Variants in BCAR1 observed in about 807,000 individuals in gnomAD.
BCAR1 encodes BCAR1 scaffold protein, Cas family member.
Under a neutral mutation model 67.6 loss-of-function variants are expected in BCAR1, and 30 were observed. The ratio of observed to expected loss-of-function variants is 0.44; its 90% CI spans 0.33 to 0.60. The LOEUF (loss-of-function observed/expected upper bound fraction) is 0.60. Ranked by LOEUF, BCAR1 falls within the 20% of genes least tolerant of loss-of-function variation. BCAR1 has a pLI of 0.02. For missense variants in BCAR1, 1,313 were observed against 1,222.3 expected (o/e 1.07, Z -1.11); for synonymous variants, 626 against 556.7 (o/e 1.12, Z -1.75).
At chr16:75,259,595 G>C (rs1216874531) in intron 1 of BCAR1, among the ~76,000 whole-genome samples, 1 of 152,218 alleles carries the variant, frequency 6.6e-6, no homozygotes, top group South Asian at 2.1e-4. Context: ...GCTCACACCT[G>C]TAATCCTAGC....
At position 75,242,855 on chromosome 16, in the gene BCAR1, G is replaced by C; in HGVS notation, c.248C>G (p.Ala83Gly). ...GPGPGPPATP[A>G]QPQPGLHAPA... ...GGCATGGAGGCCAGGCTGAGGCTGGGCCGGGGTGGCGGGAGGGCCGGGGCC... is the reference window on the plus strand; with the variant it reads ...GGCATGGAGGCCAGGCTGAGGCTGGCCCGGGGTGGCGGGAGGGCCGGGGCC... The change falls in exon 2 of 7, where the codon GCC becomes GGC. Residue 83 changes from alanine (A) to glycine (G), a missense_variant. Ala to Gly is a moderately conservative substitution (Grantham distance 60). Coordinates refer to ENST00000162330, the MANE Select transcript of BCAR1 (RefSeq NM_014567.5). 2 of 1,609,136 alleles carry C rather than the reference G, an allele frequency of 1.2e-6. No homozygotes were observed. Among genetic ancestry groups the C allele is most frequent in the Non-Finnish European group, 1.7e-6 (2 of 1,178,922 alleles).
At position 75,232,965 on chromosome 16, in the gene BCAR1, T is replaced by G. The variant is rs1252856137; in HGVS notation, c.2100+881A>C. On this transcript the variant is annotated intron_variant, in intron 6 of 6. Coordinates refer to ENST00000162330, the MANE Select transcript of BCAR1 (RefSeq NM_014567.5). ...TTCACTTTTAAAATTATCTTCATAA[T>G]CAGAATAAAGCTCCCTTAGTGTTTT... Among the ~76,000 whole-genome samples the G allele has an allele frequency of 6.0e-5, 9 of 151,148 alleles. No individual in the cohort carries two copies. The East Asian group carries it at 1.3e-3, about 23-fold the overall frequency.
In BCAR1 at chr16:75,235,674, C is replaced by G. The variant is rs1567592950; in HGVS notation, c.1225G>C (p.Val409Leu). 5 of 1,611,890 alleles carry G rather than the reference C, an allele frequency of 3.1e-6. No homozygotes were observed. In the South Asian group the frequency reaches 5.5e-5, roughly 18 times the overall value. ...VADGGVVDSG[V>L]YAVPPPAERE... ...TCAGCTGGGGGAGGCACCGCATACACACCACTGTCGACCACGCCACCATCA... is the reference window on the plus strand; with the variant it reads ...TCAGCTGGGGGAGGCACCGCATACAGACCACTGTCGACCACGCCACCATCA... The change falls in exon 5 of 7, where the codon GTG becomes CTG. Residue 409 changes from valine to leucine, a missense_variant. Val to Leu is a conservative substitution (Grantham distance 32). This residue lies in a region of BCAR1 where 1,272 missense variants were observed against 1,137.5 expected (regional missense o/e 1.12). Coordinates refer to ENST00000162330, the MANE Select transcript of BCAR1 (RefSeq NM_014567.5).
At chr16:75,266,907 G>C (rs1207837592) in intron 1 of BCAR1, 1 of 702,544 alleles carries the variant, frequency 1.4e-6, no homozygotes, top group Non-Finnish European at 2.0e-6. Context: ...CGGGGACCTG[G>C]GGGCAGAAAG....
Position 75,248,058 on chromosome 16 carries a change from A to C in BCAR1, c.12+3413T>G, listed in dbSNP as rs773265257. The C allele has an allele frequency of 3.9e-6, 6 of 1,541,012 alleles. No individual in the cohort carries two copies. The East Asian group carries it at 1.3e-4, about 35-fold the overall frequency. On this transcript the variant is annotated intron_variant, in intron 1 of 6. Coordinates refer to ENST00000162330, the MANE Select transcript of BCAR1 (RefSeq NM_014567.5). ...AACCCCATAAGACACGATTACCTCC[A>C]TCTTACTAGACAGGAAAACCAAGGC... is the stretch of plus-strand genomic sequence containing the variant.
At chr16:75,244,171 T>A (rs1056728178) in intron 1 of BCAR1, among the ~76,000 whole-genome samples, 2 of 152,216 alleles carry the variant, frequency 1.3e-5, no homozygotes, top group African/African-American at 4.8e-5. Context: ...AGCTCTGGGC[T>A]GCCCTGCAAG....
chr16:75,247,112 A>G (rs2077542869), intron 1 of BCAR1: 1 of 152,828 alleles, frequency 6.5e-6, no homozygotes, highest in South Asian at 2.1e-4. Flanking sequence ...CCCACCTCAC[A>G]GTACTGCCCA....
At chr16:75,230,658 C>G (rs2151387695) in intron 6 of BCAR1, among the ~76,000 whole-genome samples, 1 of 152,320 alleles carries the variant, frequency 6.6e-6, no homozygotes, top group African/African-American at 2.4e-5. Flanking sequence ...TGTGTCCTCA[C>G]TAGAGCCGCT....
At chr16:75,264,428 G>A in intron 1 of BCAR1, 1 of 1,527,454 alleles carries the variant, frequency 6.5e-7, no homozygotes, top group South Asian at 1.2e-5. Flanking sequence ...CCAGTCCCCT[G>A]AGGCCCTGGG....
intron 1 of BCAR1, among the ~76,000 whole-genome samples, chr16:75,262,915 C>A (rs2151483149): frequency 6.6e-6 from 1 of 152,286 alleles, no homozygotes; most frequent in South Asian, 2.1e-4. Context: ...AGAGGGCTGG[C>A]TGCTGTCCAC....
intron 1 of BCAR1, among the ~76,000 whole-genome samples, chr16:75,263,040 G>T (rs1452386205): frequency 6.6e-6 from 1 of 152,056 alleles, no homozygotes; most frequent in Non-Finnish European, 1.5e-5. Context: ...CACTGGCCAG[G>T]TGACCCTGGC....
intron 1 of BCAR1, among the ~76,000 whole-genome samples, chr16:75,259,376 T>C (rs2077847365): frequency 1.3e-5 from 2 of 152,230 alleles, no homozygotes; most frequent in Admixed American, 6.5e-5. Flanking sequence ...CTCATGCCTA[T>C]AGTCCCAGCT....
At chr16:75,245,081 G>A (rs886359993) in intron 1 of BCAR1, among the ~76,000 whole-genome samples, 1 of 152,268 alleles carries the variant, frequency 6.6e-6, no homozygotes, top group Non-Finnish European at 1.5e-5. Context: ...CAGGTCTAGG[G>A]GCCAGAGCCC....
chr16:75,236,153 C>T (rs1012838770), intron 4 of BCAR1, 167 bp from the exon 5 acceptor site: 1 of 775,114 alleles, frequency 1.3e-6, no homozygotes. Context: ...GGCACGCACA[C>T]AGGCACACAC....
rs746354080 is a variant in BCAR1, at chr16:75,235,876, C to T, written c.1023G>A (p.Pro341=). The part of the protein sequence containing the change: ...PAFAKAKPFD[P]ARTPLVLAAP... The stretch of plus-strand genomic sequence containing the variant: ...CAGCCAGTACCAGTGGGGTGCGGGC[C>T]GGGTCAAAGGGCTTGGCCTTGGCGA... The change falls in exon 5 of 7, where the codon CCG becomes CCA. Residue 341 remains proline, a synonymous_variant. Transcript: ENST00000162330. 17 of 1,562,744 alleles carry T rather than the reference C, an allele frequency of 1.1e-5. No homozygotes were observed. Among genetic ancestry groups the T allele is most frequent in the Admixed American group, 5.8e-5 (3 of 52,038 alleles).
chr16:75,231,609 G>A (rs554371509), intron 6 of BCAR1, among the ~76,000 whole-genome samples: 98 of 152,286 alleles, frequency 6.4e-4, no homozygotes, highest in African/African-American at 2.3e-3. Context: ...CATCTTTAAA[G>A]TTCTTCACAT....
At chr16:75,255,485 T>C (rs1211802056), upstream of BCAR1, among the ~76,000 whole-genome samples, 1 of 152,118 alleles carries the variant, frequency 6.6e-6, no homozygotes, top group Non-Finnish European at 1.5e-5. Context: ...CTCAGCACTT[T>C]AGGAGGTCGA....
At chr16:75,236,559 G>C in intron 4 of BCAR1, 2 of 445,052 alleles carry the variant, frequency 4.5e-6, no homozygotes, top group Non-Finnish European at 7.8e-6. Flanking sequence ...GTTTGTCCCT[G>C]ATGCCCCCAC....
chr16:75,262,400 G>C (rs931713234), intron 1 of BCAR1, among the ~76,000 whole-genome samples: 6 of 152,232 alleles, frequency 3.9e-5, no homozygotes, highest in African/African-American at 1.2e-4. Flanking sequence ...AATGGCAGAC[G>C]GCGCCGGGAA....
Sources: allele counts gnomAD v4.1 joint callset (sites outside exome capture counted in the v4.1 genomes callset), GRCh38; gene constraint gnomAD v4.1.1; regional missense constraint gnomAD v4.1.1; transcripts MANE v1.5; gene names NCBI Gene and HGNC (gene_info 2026-07-23, HGNC 2026-07-21).